Variants in NRXN1 observed in about 807,000 individuals in gnomAD.
NRXN1 encodes neurexin 1.
In NRXN1, 39 loss-of-function variants were observed where a neutral mutation model predicts 150.9. The ratio of observed to expected loss-of-function variants is 0.26; its 90% CI spans 0.20 to 0.34. NRXN1 has a LOEUF of 0.34. Ranked by LOEUF, NRXN1 falls within the 10% of genes least tolerant of loss-of-function variation. NRXN1 has a pLI of 1.00. For missense variants in NRXN1, 1,815 were observed against 1,949.9 expected (o/e 0.93, Z 1.30); for synonymous variants, 924 against 757.0 (o/e 1.22, Z -3.62).
intron 17 of NRXN1, among the ~76,000 whole-genome samples, chr2:50,243,110 G>C (rs113655578): frequency 2.0e-5 from 3 of 151,830 alleles, no homozygotes; most frequent in African/African-American, 7.2e-5. Flanking sequence ...TTGCACAGTA[G>C]GGTGACTATG....
In NRXN1 at chr2:50,052,518, T is replaced by A. The variant is rs551537889; in HGVS notation, c.4128+753A>T. 1.2e-4 allele frequency among the ~76,000 whole-genome samples: 18 copies of A among 152,264 alleles called. No homozygotes were observed. In the South Asian group the frequency reaches 1.4e-3, roughly 12 times the overall value. On this transcript the variant is annotated intron_variant, in intron 21 of 22. Coordinates refer to ENST00000401669, the MANE Select transcript of NRXN1 (RefSeq NM_001330078.2). ...GATGGAACACCAATATTCAAACCAG[T>A]GCCTGAAATGTAGTAGGCAATCAAT...
intron 18 of NRXN1, among the ~76,000 whole-genome samples, chr2:50,166,279 ATGTGTGTGTGTGTGTGTGTG>A (rs70946894): frequency 1.5e-5 from 2 of 131,614 alleles, no homozygotes; most frequent in African/African-American, 2.8e-5. Flanking sequence ...TACTCAACGT[ATGTGTGTGTGTGTGTGTGTG>A]TGTGTGTGTG....
chr2:50,428,599 A>G (rs2084691633), intron 17 of NRXN1, among the ~76,000 whole-genome samples: 1 of 152,198 alleles, frequency 6.6e-6, no homozygotes, highest in African/African-American at 2.4e-5. Flanking sequence ...AAGAAGACAT[A>G]CCTTATGATT....
intron 17 of NRXN1, among the ~76,000 whole-genome samples, chr2:50,465,103 G>A (rs2104643127): frequency 6.6e-6 from 1 of 151,760 alleles, no homozygotes; most frequent in African/African-American, 2.4e-5. Context: ...ATGAAATTAA[G>A]TATTATTTAA....
At chr2:50,732,448 A>G (rs1698218642) in intron 5 of NRXN1, among the ~76,000 whole-genome samples, 2 of 152,224 alleles carry the variant, frequency 1.3e-5, no homozygotes, top group African/African-American at 4.8e-5. Context: ...GAATAACAGT[A>G]GTAACCAAGC....
chr2:50,197,351 AT>A (rs1250671702), intron 18 of NRXN1, among the ~76,000 whole-genome samples: 2 of 152,126 alleles, frequency 1.3e-5, no homozygotes, highest in Non-Finnish European at 2.9e-5. Flanking sequence ...GATCATGAAC[AT>A]TTAAATTTGG....
chr2:50,466,127 C>T (rs1170823393), intron 16 of NRXN1, among the ~76,000 whole-genome samples: 1 of 151,720 alleles, frequency 6.6e-6, no homozygotes, highest in Non-Finnish European at 1.5e-5. Flanking sequence ...AAATTAAAAA[C>T]TCCATATAAA....
intron 17 of NRXN1, among the ~76,000 whole-genome samples, chr2:50,360,550 C>G (rs2079118337): frequency 1.3e-5 from 2 of 152,170 alleles, no homozygotes; most frequent in Admixed American, 6.5e-5. Context: ...ATCAATGCAA[C>G]AAGAACAGCT....
At chr2:50,475,912 G>A (rs931663917) in intron 15 of NRXN1, among the ~76,000 whole-genome samples, 1 of 151,842 alleles carries the variant, frequency 6.6e-6, no homozygotes, top group Admixed American at 6.6e-5. Flanking sequence ...AATGGGTCCT[G>A]CAGGTGAGTC....
chr2:50,846,690 A>G (rs1673704081), intron 5 of NRXN1, among the ~76,000 whole-genome samples: 1 of 152,206 alleles, frequency 6.6e-6, no homozygotes. Flanking sequence ...AAAAGCAACA[A>G]TTCAAAACCA....
chr2:50,845,889 C>T (rs1680180957), intron 5 of NRXN1, among the ~76,000 whole-genome samples: 1 of 152,148 alleles, frequency 6.6e-6, no homozygotes, highest in Non-Finnish European at 1.5e-5. Flanking sequence ...TATGTGAAAG[C>T]TCACTTTGAC....
chr2:50,510,419 G>A (rs939779955), intron 12 of NRXN1, among the ~76,000 whole-genome samples: 1 of 144,556 alleles, frequency 6.9e-6, no homozygotes, highest in African/African-American at 2.5e-5. Context: ...CCAGGAGGCG[G>A]AGGTTGCAGT....
intron 18 of NRXN1, among the ~76,000 whole-genome samples, chr2:50,113,166 A>C (rs1231236353): frequency 6.6e-6 from 1 of 152,200 alleles, no homozygotes; most frequent in Non-Finnish European, 1.5e-5. Context: ...ATCTGGCATA[A>C]ACCTGGATCA....
chr2:50,511,055 GC>G lies in NRXN1; in HGVS notation c.2375-4439del, dbSNP rs573311559. 2.1e-3 allele frequency among the ~76,000 whole-genome samples: 288 copies of G among 136,906 alleles called. 1 individual carries two copies. The highest frequency in any genetic ancestry group is 6.9e-3 in the African/African-American group (277 of 40,184). The allele number at this position is 136,906 out of a possible 152,430, so 89.8% of individuals were successfully genotyped here. A position where few individuals can be genotyped will look rare whatever the true frequency, so the allele number is the denominator to read the frequency against. ...GGTCTCTAGACTCTCAGTCTAACAA[GC>G]TTTTTTTTTTTTAATTATTATTAAG... On this transcript the variant is annotated intron_variant, in intron 12 of 22. Coordinates refer to ENST00000401669, the MANE Select transcript of NRXN1 (RefSeq NM_001330078.2).
intron 18 of NRXN1, among the ~76,000 whole-genome samples, chr2:50,233,904 CT>C (rs2065185493): frequency 6.6e-6 from 1 of 151,974 alleles, no homozygotes; most frequent in Non-Finnish European, 1.5e-5. Context: ...ATAAAACAGC[CT>C]TTCAATATTC....
At chr2:50,533,700 G>T (rs1452387442) in intron 10 of NRXN1, among the ~76,000 whole-genome samples, 1 of 152,006 alleles carries the variant, frequency 6.6e-6, no homozygotes, top group Non-Finnish European at 1.5e-5. Flanking sequence ...CATCTCTCTG[G>T]CCTCAGCTTT....
At chr2:51,016,578 G>T (rs1668697230) in intron 2 of NRXN1, among the ~76,000 whole-genome samples, 1 of 152,160 alleles carries the variant, frequency 6.6e-6, no homozygotes, top group South Asian at 2.1e-4. Flanking sequence ...CAGTTAGAAT[G>T]ACGATCATTA....
intron 17 of NRXN1, among the ~76,000 whole-genome samples, chr2:50,330,756 G>A (rs149237371): frequency 4.5e-4 from 68 of 152,256 alleles, no homozygotes; most frequent in African/African-American, 1.3e-3. Context: ...TACTGCCATA[G>A]GAATTACCTA....
At chr2:50,791,308 T>C (rs1705987934) in intron 5 of NRXN1, among the ~76,000 whole-genome samples, 1 of 101,928 alleles carries the variant, frequency 9.8e-6, no homozygotes, top group South Asian at 3.3e-4. Flanking sequence ...TCCAAACTGC[T>C]TGCTACAAAA....
Sources: gnomAD v4.1 joint callset for allele counts (sites outside exome capture counted in the v4.1 genomes callset) on GRCh38, gnomAD v4.1.1 for gene constraint, MANE v1.5 for transcripts, NCBI Gene and HGNC (gene_info 2026-07-23, HGNC 2026-07-21) for gene names.